The following ADAMTS17 variants were observed in gnomAD, a reference collection of about 807,000 sequenced individuals.
ADAMTS17 encodes A disintegrin and metalloproteinase with thrombospondin motifs 17.
A neutral mutation model predicts 141.5 loss-of-function variants in ADAMTS17; 113 were observed. The observed-to-expected ratio is 0.80, with a 90% confidence interval of 0.69 to 0.93. The LOEUF (loss-of-function observed/expected upper bound fraction) is 0.93, where lower values mean the gene tolerates loss of function less well. Among genes scored for constraint, ADAMTS17 ranks in the 40% least tolerant of loss-of-function variants. The pLI is 0.00. For synonymous variants in ADAMTS17, 768 were observed against 630.6 expected, an observed-to-expected ratio of 1.22 and a Z score of -3.27; for missense variants, 1,659 against 1,517.9, an observed-to-expected ratio of 1.09 and a Z score of -1.54.
chr15:100,199,831 C>T (rs899625383), intron 7 of ADAMTS17, among the ~76,000 whole-genome samples: 12 of 152,176 alleles, frequency 7.9e-5, no homozygotes, highest in Non-Finnish European at 1.8e-4. Flanking sequence ...GTGAGCCAGC[C>T]AGGTAAGACA....
At chr15:100,027,427 C>A (rs929016897) in intron 18 of ADAMTS17, among the ~76,000 whole-genome samples, 11 of 152,246 alleles carry the variant, frequency 7.2e-5, no homozygotes, top group African/African-American at 2.7e-4. Flanking sequence ...CCTTTTACCG[C>A]TGACCCTAGT....
chr15:100,112,484 A>G (rs952872918), intron 13 of ADAMTS17, among the ~76,000 whole-genome samples: 8 of 152,152 alleles, frequency 5.3e-5, no homozygotes, highest in African/African-American at 1.7e-4. Flanking sequence ...AAATGTGAGG[A>G]GGAGGCTCAG....
At position 100,109,001 on chromosome 15, in the gene ADAMTS17, G is replaced by A. The variant is rs200766799; in HGVS notation, c.2004C>T (p.His668=). 4.0e-5 allele frequency: 65 copies of A among 1,613,924 alleles called. No individual in the cohort carries two copies. Among genetic ancestry groups the A allele is most frequent in the African/African-American group, 6.7e-5 (5 of 74,924 alleles). Residue 668 remains histidine, a synonymous_variant, in exon 14 of 22, where the codon CAC becomes CAT. Coordinates refer to ENST00000268070, the MANE Select transcript of ADAMTS17 (RefSeq NM_139057.4). ...AGAAGTACGTCACCTGGCACTTGCC[G>A]TGCACGCAGAGATCAGTCTCGTAGG... The part of the protein sequence containing the change: ...CGPYETDLCV[H]GKCQKIGCDG...
intron 3 of ADAMTS17, among the ~76,000 whole-genome samples, chr15:100,304,035 T>C (rs2045136915): frequency 6.6e-6 from 1 of 152,258 alleles, no homozygotes; most frequent in Admixed American, 6.5e-5. Flanking sequence ...TAATCAGCTC[T>C]TTATGTCATG....
In ADAMTS17 at chr15:100,021,556, C is replaced by T. The variant is rs530739314; in HGVS notation, c.2592-23967G>A. On this transcript the variant is annotated intron_variant, in intron 18 of 21. Transcript: ENST00000268070. Reference sequence around the variant, plus strand: ...CACAGCTCCAGTCTGAAACTTTCGACGGCTCCCTAGTACCTAATGCCTTCC... The same window carrying T: ...CACAGCTCCAGTCTGAAACTTTCGATGGCTCCCTAGTACCTAATGCCTTCC... 7.9e-5 allele frequency among the ~76,000 whole-genome samples: 12 copies of T among 152,318 alleles called. No individual in the cohort carries two copies. The South Asian group carries it at 2.1e-3, about 26-fold the overall frequency.
At chr15:100,087,891 G>A (rs1483047580) in intron 15 of ADAMTS17, among the ~76,000 whole-genome samples, 1 of 152,188 alleles carries the variant, frequency 6.6e-6, no homozygotes, top group Non-Finnish European at 1.5e-5. Context: ...CATACTGAAT[G>A]GGCAAAAACT....
At chr15:100,097,914 T>C (rs1278720201) in intron 14 of ADAMTS17, among the ~76,000 whole-genome samples, 1 of 152,228 alleles carries the variant, frequency 6.6e-6, no homozygotes, top group African/African-American at 2.4e-5. Context: ...AAATTACTAT[T>C]GTTCTGTCCA....
chr15:100,196,235 T>TA (rs2041110157), intron 8 of ADAMTS17, among the ~76,000 whole-genome samples: 1 of 152,318 alleles, frequency 6.6e-6, no homozygotes, highest in Admixed American at 6.5e-5. Context: ...TGATTTAAAA[T>TA]AAAGCCATGC....
chr15:100,224,342 G>C (rs937470877), intron 7 of ADAMTS17, among the ~76,000 whole-genome samples: 1 of 152,162 alleles, frequency 6.6e-6, no homozygotes, highest in African/African-American at 2.4e-5. Context: ...ATATACCAGG[G>C]AGGGAGAGGG....
chr15:100,084,365 C>A (rs1375227052), intron 15 of ADAMTS17, among the ~76,000 whole-genome samples: 1 of 152,190 alleles, frequency 6.6e-6, no homozygotes, highest in African/African-American at 2.4e-5. Flanking sequence ...TGGGTGGAGC[C>A]CACCACAGCT....
chr15:100,111,176 C>A (rs2036755739), intron 13 of ADAMTS17, among the ~76,000 whole-genome samples: 1 of 152,186 alleles, frequency 6.6e-6, no homozygotes, highest in Admixed American at 6.5e-5. Context: ...TCACACAAGG[C>A]ACTCTGGGGG....
chr15:100,300,029 A>C (rs2044973064), intron 3 of ADAMTS17, among the ~76,000 whole-genome samples: 1 of 152,198 alleles, frequency 6.6e-6, no homozygotes, highest in African/African-American at 2.4e-5. Context: ...ACAAATTAAG[A>C]AAAGAATAAA....
At chr15:100,154,559 C>G (rs1308622819) in intron 9 of ADAMTS17, among the ~76,000 whole-genome samples, 1 of 152,144 alleles carries the variant, frequency 6.6e-6, no homozygotes, top group African/African-American at 2.4e-5. Flanking sequence ...CACAGTCACT[C>G]TGTAAACCCA....
chr15:100,147,728 T>C (rs567534185), intron 10 of ADAMTS17, among the ~76,000 whole-genome samples: 2 of 152,338 alleles, frequency 1.3e-5, no homozygotes, highest in East Asian at 3.9e-4. Context: ...ACGAATGTCA[T>C]ACCTTTTACT....
intron 8 of ADAMTS17, among the ~76,000 whole-genome samples, chr15:100,189,296 C>T (rs896381499): frequency 6.6e-6 from 1 of 152,180 alleles, no homozygotes; most frequent in African/African-American, 2.4e-5. Flanking sequence ...GACAGCTCAA[C>T]TGGGGGACGG....
chr15:100,230,365 TGTA>T (rs908372590), intron 7 of ADAMTS17, among the ~76,000 whole-genome samples: 2 of 152,136 alleles, frequency 1.3e-5, no homozygotes, highest in African/African-American at 4.8e-5. Flanking sequence ...CAGATTCCTG[TGTA>T]TAACTCTTTC....
intron 8 of ADAMTS17, among the ~76,000 whole-genome samples, chr15:100,175,027 A>G (rs969666482): frequency 7.9e-5 from 12 of 152,242 alleles, no homozygotes; most frequent in African/African-American, 2.9e-4. Context: ...GAAAAGAAGA[A>G]GCACCCACCT....
At position 100,281,215 on chromosome 15, in the gene ADAMTS17, G is replaced by A. The variant is rs563744154; in HGVS notation, c.789+14C>T. ...ACAGAGCCCCCCACATCAGGACCCC[G>A]GCTCCGGACTCACCATGTTCATGAC... is the stretch of plus-strand genomic sequence containing the variant. On this transcript the variant is annotated intron_variant, in intron 4 of 21. Transcript: ENST00000268070. The A allele has an allele frequency of 6.5e-5, 104 of 1,602,364 alleles. No homozygotes were observed. In the Admixed American group the frequency reaches 7.8e-4, roughly 12 times the overall value.
chr15:100,219,679 C>G (rs4965599), intron 7 of ADAMTS17, among the ~76,000 whole-genome samples: 100,185 of 151,980 alleles, frequency 0.66, 33,161 homozygotes, highest in East Asian at 0.8. Flanking sequence ...CAAGGAGAAT[C>G]TATGGCAACT....
Sources: gnomAD v4.1 joint callset for allele counts (sites outside exome capture counted in the v4.1 genomes callset) on GRCh38, gnomAD v4.1.1 for gene constraint, MANE v1.5 for transcripts, NCBI Gene and HGNC (gene_info 2026-07-23, HGNC 2026-07-21) for gene names.